Variants in CEP135 observed in about 807,000 individuals in gnomAD.
CEP135 encodes the protein centrosomal protein 135, also known as centrosomal protein of 135 kDa.
CEP135 carries 142 observed loss-of-function variants against 157.3 expected under a neutral mutation model. The ratio of observed to expected loss-of-function variants is 0.90; its 90% CI spans 0.79 to 1.04. The LOEUF is 1.04. Ranked by LOEUF, CEP135 falls within the 50% of genes least tolerant of loss-of-function variation. The pLI is 0.00. For synonymous variants in CEP135, 396 were observed against 439.8 expected (o/e 0.90, Z 1.25); for missense variants, 1,317 against 1,309.2 (o/e 1.01, Z -0.09).
In CEP135 at chr4:56,008,338, T is replaced by G. The variant is rs984161969; in HGVS notation, c.2292T>G (p.Val764=). The change falls in exon 18 of 26, where the codon GTT becomes GTG. Residue 764 remains valine, a synonymous_variant. Transcript: ENST00000257287. ...TGTAATTTCTATAGGAAAAAGCTGT[T>G]GCTCAAATGAAGATAATGATCTCAG... ...QENLANKEKA[V]AQMKIMISEC... is the part of the protein sequence containing the mutation. 30 of 1,609,086 alleles carry G rather than the reference T, an allele frequency of 1.9e-5. No homozygotes were observed. The highest frequency in any genetic ancestry group is 2.3e-5 in the Non-Finnish European group (27 of 1,177,890).
chr4:55,991,113 C>T (rs1039486409), intron 14 of CEP135, among the ~76,000 whole-genome samples: 2 of 152,044 alleles, frequency 1.3e-5, no homozygotes, highest in African/African-American at 4.8e-5. Context: ...GTAGCTAGGA[C>T]TACAGGCATG....
At chr4:55,993,064 C>A (rs1729845962) in intron 15 of CEP135, among the ~76,000 whole-genome samples, 1 of 151,936 alleles carries the variant, frequency 6.6e-6, no homozygotes, top group Admixed American at 6.6e-5. Context: ...AACTTGAGAT[C>A]AGAAAGGATT....
At chr4:56,010,005 A>G (rs1382203284) in intron 19 of CEP135, 102 bp downstream of exon 19, 4 of 1,183,172 alleles carry the variant, frequency 3.4e-6, no homozygotes, top group Non-Finnish European at 4.8e-6. Context: ...ATATAAAAAT[A>G]AGTGACATAA....
intron 8 of CEP135, among the ~76,000 whole-genome samples, chr4:55,967,399 G>C (rs928151670): frequency 6.6e-6 from 1 of 152,096 alleles, no homozygotes; most frequent in Admixed American, 6.6e-5. Flanking sequence ...ATTATCTTTT[G>C]ATCTGGTACT....
In CEP135 at chr4:55,999,283, T is replaced by C; in HGVS notation, c.2010-19T>C. On this transcript the variant is annotated intron_variant, in intron 15 of 25. Transcript: ENST00000257287. ...GAGAGATAAAGAATACCATTTGTTT[T>C]TGTCCATTGATTCTTTAGGATAGTG... The C allele has an allele frequency of 6.4e-7, 1 of 1,556,418 alleles. No homozygotes were observed.
In CEP135 at chr4:55,981,207, AT is replaced by A. The variant is rs775494608; in HGVS notation, c.1627-19del. On this transcript the variant is annotated intron_variant, in intron 12 of 25. Transcript: ENST00000257287. ...TTTTACTAAAGTGCCTTTTTAATTT[AT>A]ATCTTTTCATTCTTTAAGGCTCAGG... 9.6e-6 allele frequency: 15 copies of A among 1,557,186 alleles called. No homozygotes were observed. In the African/African-American group the frequency reaches 2.0e-4, roughly 20 times the overall value.
In CEP135 at chr4:56,012,088, G is replaced by T. The variant is rs113094723; in HGVS notation, c.2802+103G>T. 1,669 of 770,462 alleles carry T rather than the reference G, an allele frequency of 2.2e-3. 21 individuals carry two copies. In the African/African-American group the frequency reaches 0.026, roughly 12 times the overall value. The allele number at this position is 770,462 out of a possible 1,614,324, so 47.7% of individuals were successfully genotyped here. On this transcript the variant is annotated intron_variant, in intron 21 of 25. Coordinates refer to ENST00000257287, the MANE Select transcript of CEP135 (RefSeq NM_025009.5). ...ATTTATTTTTTTTGAGATGAAGTCT[G>T]ACTCTGTTGCCCAGGCTGGAGTGCA... is the stretch of plus-strand genomic sequence containing the variant.
intron 25 of CEP135, 56 bp downstream of exon 25, chr4:56,024,670 A>C (rs989660169): frequency 1.6e-6 from 2 of 1,236,270 alleles, no homozygotes; most frequent in Non-Finnish European, 2.4e-6. Flanking sequence ...AAAAATTCAG[A>C]AAGTAGTTTT....
rs1228000344 is a variant in CEP135 at position 55,999,415 on chromosome 4, T to C, written c.2123T>C (p.Ile708Thr). Residue 708 changes from isoleucine (I) to threonine (T), a missense_variant and splice_region_variant, in exon 16 of 26, where the codon ATA (isoleucine) becomes ACA (threonine). Physicochemically the swap from Ile to Thr is moderately conservative, Grantham distance 89. Transcript: ENST00000257287. ...QAQIKILEEK[I>T]DELNLKMTSQ... ...CAAATTAAAATACTGGAGGAAAAGA[T>C]AGGTAAATGTTTTAAAATTTTGTTT... 6.2e-7 allele frequency: 1 copy of C among 1,613,144 alleles called. No individual in the cohort carries two copies. Among genetic ancestry groups the C allele is most frequent in the East Asian group, 2.2e-5 (1 of 44,862 alleles).
At chr4:55,967,101 AT>A (rs1009142671) in intron 8 of CEP135, among the ~76,000 whole-genome samples, 36 of 151,428 alleles carry the variant, frequency 2.4e-4, no homozygotes, top group Non-Finnish European at 4.1e-4. Context: ...AAAAGAGTGA[AT>A]TTTTTTTTAT....
At chr4:56,009,506 C>T (rs1243140225) in intron 18 of CEP135, among the ~76,000 whole-genome samples, 1 of 152,146 alleles carries the variant, frequency 6.6e-6, no homozygotes, top group South Asian at 2.1e-4. Flanking sequence ...TCTGTGTTTA[C>T]TTGACTGTTG....
intron 17 of CEP135, among the ~76,000 whole-genome samples, chr4:56,002,588 T>C (rs951811517): frequency 4.6e-5 from 7 of 152,208 alleles, no homozygotes; most frequent in East Asian, 1.9e-4. Flanking sequence ...CACTTGATCA[T>C]GGTGAATGAT....
At chr4:56,017,952 C>A in intron 22 of CEP135, 95 bp downstream of exon 22, 1 of 1,073,430 alleles carries the variant, frequency 9.3e-7, no homozygotes, top group Non-Finnish European at 1.3e-6. Context: ...ATACTTGTTT[C>A]CTTTTAGAGT....
intron 20 of CEP135, 42 bp downstream of exon 20, chr4:56,011,564 T>G: frequency 7.1e-7 from 1 of 1,410,694 alleles, no homozygotes; most frequent in Non-Finnish European, 9.8e-7. Context: ...CTGAGGTTTT[T>G]TTTTTTTTTA....
chr4:55,990,503 T>C (rs926821641), intron 14 of CEP135, among the ~76,000 whole-genome samples: 1 of 152,200 alleles, frequency 6.6e-6, no homozygotes, highest in Admixed American at 6.5e-5. Context: ...CACTTATTTA[T>C]TTATTTTAAA....
intron 15 of CEP135, among the ~76,000 whole-genome samples, chr4:55,994,564 TC>T (rs1230076116): frequency 6.6e-6 from 1 of 152,104 alleles, no homozygotes; most frequent in Non-Finnish European, 1.5e-5. Flanking sequence ...AGGCATATGT[TC>T]CTTTCCATCC....
Position 55,957,383 on chromosome 4 carries a change from T to A in CEP135, c.614+19T>A. 1 of 1,603,354 alleles carries A rather than the reference T, an allele frequency of 6.2e-7. No homozygotes were observed. Among genetic ancestry groups the A allele is most frequent in the Non-Finnish European group, 8.5e-7 (1 of 1,177,072 alleles). ...ATAACAGGTGCATTAAATAATTCTTTCTTGGCTTGAGTTAATTGAGCACTC... is the reference window on the plus strand; with the variant it reads ...ATAACAGGTGCATTAAATAATTCTTACTTGGCTTGAGTTAATTGAGCACTC... On this transcript the variant is annotated intron_variant, in intron 5 of 25. Transcript: ENST00000257287.
intron 4 of CEP135, among the ~76,000 whole-genome samples, chr4:55,955,896 G>A (rs868443871): frequency 6.6e-5 from 10 of 152,158 alleles, no homozygotes; most frequent in African/African-American, 7.2e-5. Context: ...GGCCCTGGTG[G>A]AGATGCAAAT....
chr4:56,003,271 TCCGCCTCCCGGGTTCATG>T (rs1160952588), intron 17 of CEP135, among the ~76,000 whole-genome samples: 3 of 152,196 alleles, frequency 2.0e-5, no homozygotes, highest in South Asian at 2.1e-4. Flanking sequence ...CACTGCAAGC[TCCGCCTCCCGGGTTCATG>T]CCGCCTCCCG....
Sources: allele counts gnomAD v4.1 joint callset (sites outside exome capture counted in the v4.1 genomes callset), GRCh38; gene constraint gnomAD v4.1.1; transcripts MANE v1.5; gene names NCBI Gene and HGNC (gene_info 2026-07-23, HGNC 2026-07-21).